Variants in LRP1B observed in about 807,000 individuals in gnomAD.
The protein encoded by LRP1B is low-density lipoprotein receptor-related protein 1B.
A neutral mutation model predicts 556.6 loss-of-function variants in LRP1B; 217 were observed. That is an observed-to-expected ratio of 0.39 (90% confidence interval 0.35 to 0.44). The LOEUF (loss-of-function observed/expected upper bound fraction) is 0.44. Ranked by LOEUF, LRP1B falls within the 20% of genes least tolerant of loss-of-function variation. The probability of loss-of-function intolerance (pLI) is 1.00; values close to 1 mark genes in which losing one functional copy is unlikely to be tolerated. For synonymous variants in LRP1B, 2,047 were observed against 1,865.8 expected (o/e 1.10, Z -2.50); for missense variants, 5,053 against 5,620.8 (o/e 0.90, Z 3.23).
At chr2:141,246,693 T>G (rs746610671) in intron 5 of LRP1B, among the ~76,000 whole-genome samples, 11 of 152,138 alleles carry the variant, frequency 7.2e-5, no homozygotes, top group Admixed American at 4.6e-4. Context: ...GGCTGGGCAC[T>G]GCGGCTCATG....
intron 41 of LRP1B, among the ~76,000 whole-genome samples, chr2:140,666,475 C>T (rs766056640): frequency 1.3e-5 from 2 of 152,062 alleles, no homozygotes; most frequent in Non-Finnish European, 1.5e-5. Flanking sequence ...AAAGAGTAAG[C>T]GATCCATACA....
At chr2:140,307,236 C>T (rs910282731) in intron 83 of LRP1B, among the ~76,000 whole-genome samples, 18 of 151,914 alleles carry the variant, frequency 1.2e-4, no homozygotes, top group Admixed American at 6.6e-5. Context: ...GATTTCCTCC[C>T]TACATCACAT....
At chr2:141,277,404 T>G (rs1173365631) in intron 3 of LRP1B, among the ~76,000 whole-genome samples, 1 of 152,208 alleles carries the variant, frequency 6.6e-6, no homozygotes, top group African/African-American at 2.4e-5. Flanking sequence ...TGTTGAACAT[T>G]TTTTCATATG....
At chr2:141,312,399 T>A (rs1369870590) in intron 3 of LRP1B, among the ~76,000 whole-genome samples, 1 of 152,212 alleles carries the variant, frequency 6.6e-6, no homozygotes, top group Non-Finnish European at 1.5e-5. Flanking sequence ...GAATACAGTA[T>A]ATGACACATA....
intron 7 of LRP1B, among the ~76,000 whole-genome samples, chr2:141,149,154 A>C (rs1701858660): frequency 6.6e-6 from 1 of 151,874 alleles, no homozygotes; most frequent in African/African-American, 2.4e-5. Context: ...GGAATACAGC[A>C]TTTTTTGTTG....
chr2:141,202,539 T>C (rs553699654), intron 6 of LRP1B, among the ~76,000 whole-genome samples: 1 of 152,270 alleles, frequency 6.6e-6, no homozygotes, highest in Admixed American at 6.5e-5. Context: ...ACCAACAGTG[T>C]ATGAGTGTTC....
At chr2:141,428,888 G>A (rs1197935081) in intron 3 of LRP1B, among the ~76,000 whole-genome samples, 1 of 152,090 alleles carries the variant, frequency 6.6e-6, no homozygotes, top group Non-Finnish European at 1.5e-5. Context: ...ACGAATACCT[G>A]CCTGGATTAG....
chr2:140,806,107 T>C (rs1690705203), intron 32 of LRP1B, among the ~76,000 whole-genome samples: 2 of 151,976 alleles, frequency 1.3e-5, no homozygotes, highest in Non-Finnish European at 2.9e-5. Context: ...CATGAGAAGA[T>C]ATAAAAAGTA....
intron 7 of LRP1B, among the ~76,000 whole-genome samples, chr2:141,104,048 C>T (rs1210946001): frequency 6.6e-6 from 1 of 151,874 alleles, no homozygotes; most frequent in Non-Finnish European, 1.5e-5. Flanking sequence ...ATTGTTTGAG[C>T]TTATACGTCA....
At chr2:142,017,842 C>A (rs1439740173) in intron 1 of LRP1B, among the ~76,000 whole-genome samples, 1 of 152,164 alleles carries the variant, frequency 6.6e-6, no homozygotes, top group Non-Finnish European at 1.5e-5. Context: ...TGTTCTCCTA[C>A]TGCACTCCAG....
At chr2:141,282,130 T>C (rs1685531955) in intron 3 of LRP1B, among the ~76,000 whole-genome samples, 1 of 152,086 alleles carries the variant, frequency 6.6e-6, no homozygotes, top group Non-Finnish European at 1.5e-5. Flanking sequence ...TTGGACCTCA[T>C]TGCTTTCAAA....
intron 2 of LRP1B, among the ~76,000 whole-genome samples, chr2:141,760,308 A>C (rs1348869164): frequency 6.6e-6 from 1 of 152,188 alleles, no homozygotes; most frequent in African/African-American, 2.4e-5. Context: ...TGAAATGCTC[A>C]TAAGTCATTG....
intron 1 of LRP1B, among the ~76,000 whole-genome samples, chr2:142,117,629 G>C (rs1295396533): frequency 2.6e-5 from 4 of 151,692 alleles, no homozygotes; most frequent in African/African-American, 9.7e-5. Flanking sequence ...GTGTGTGTGA[G>C]AGAGAGAGAG....
chr2:140,797,723 GA>G (rs897028494), intron 32 of LRP1B, among the ~76,000 whole-genome samples: 3 of 151,976 alleles, frequency 2.0e-5, no homozygotes, highest in African/African-American at 7.2e-5. Flanking sequence ...GAAACCATAT[GA>G]AACATAAGCT....
chr2:141,652,980 G>A (rs1426577847), intron 2 of LRP1B, among the ~76,000 whole-genome samples: 1 of 152,172 alleles, frequency 6.6e-6, no homozygotes, highest in Non-Finnish European at 1.5e-5. Context: ...TTTGGGTTGT[G>A]AGGATGAGTG....
At chr2:141,363,532 T>C (rs1688913184) in intron 3 of LRP1B, among the ~76,000 whole-genome samples, 1 of 152,154 alleles carries the variant, frequency 6.6e-6, no homozygotes, top group Non-Finnish European at 1.5e-5. Flanking sequence ...GTCTTAACCA[T>C]AGTAAATATT....
At chr2:142,100,986 CTCAA>C (rs1706548884) in intron 1 of LRP1B, among the ~76,000 whole-genome samples, 1 of 151,802 alleles carries the variant, frequency 6.6e-6, no homozygotes, top group Admixed American at 6.6e-5. Flanking sequence ...AAGAGGAGTT[CTCAA>C]TCAAATAAAT....
intron 27 of LRP1B, among the ~76,000 whole-genome samples, chr2:140,863,744 G>A (rs1341878465): frequency 1.3e-5 from 2 of 152,044 alleles, no homozygotes; most frequent in Non-Finnish European, 2.9e-5. Flanking sequence ...TTCGTTTTTA[G>A]TACCACACCC....
chr2:140,323,902 G>C lies in LRP1B; in HGVS notation c.12505C>G (p.Gln4169Glu), dbSNP rs1680307576. The change falls in exon 81 of 91, where the codon CAA becomes GAA. Residue 4169 changes from glutamine to glutamate, a missense_variant. Around this residue, in one of 5 missense-constraint regions of LRP1B, gnomAD observed 551 missense variants for 592.0 expected, o/e 0.93. Transcript: ENST00000389484. Reference sequence around the variant, plus strand: ...AATATATTATACTTACAATCTAGTTGTTTATAACGATGAGATATCAAAACA... The same window carrying C: ...AATATATTATACTTACAATCTAGTTCTTTATAACGATGAGATATCAAAACA... Reference protein sequence around the residue: ...KGVLISHRYKQLDLPNPCLDL... With the variant: ...KGVLISHRYKELDLPNPCLDL... 6.6e-7 allele frequency: 1 copy of C among 1,513,182 alleles called. No individual in the cohort carries two copies. Among genetic ancestry groups the C allele is most frequent in the African/African-American group, 1.4e-5 (1 of 72,696 alleles). The allele number at this position is 1,513,182 out of a possible 1,614,324, so 93.7% of individuals were successfully genotyped here. A position where few individuals can be genotyped will look rare whatever the true frequency, so the allele number is the denominator to read the frequency against.
Sources: gnomAD v4.1 joint callset for allele counts (sites outside exome capture counted in the v4.1 genomes callset) on GRCh38, gnomAD v4.1.1 for gene constraint, gnomAD v4.1.1 regional missense constraint, MANE v1.5 for transcripts, NCBI Gene and HGNC (gene_info 2026-07-23, HGNC 2026-07-21) for gene names.